The following HIP1R variants were observed in gnomAD, a reference collection of about 807,000 sequenced individuals.
HIP1R encodes the protein huntingtin interacting protein 1 related.
Under a neutral mutation model 144.2 loss-of-function variants are expected in HIP1R, and 135 were observed. That is an observed-to-expected ratio of 0.94 (90% confidence interval 0.81 to 1.08). The LOEUF is 1.08. Ranked by LOEUF, HIP1R falls within the 50% of genes least tolerant of loss-of-function variation. The probability of loss-of-function intolerance (pLI) is 0.00; values close to 1 mark genes in which losing one functional copy is unlikely to be tolerated. For missense variants in HIP1R, 1,462 were observed against 1,432.8 expected, an observed-to-expected ratio of 1.02 and a Z score of -0.33; for synonymous variants, 698 against 612.8, an observed-to-expected ratio of 1.14 and a Z score of -2.05.
rs371694011 is a variant in HIP1R at position 122,850,461 on chromosome 12, G to A, written c.439-374G>A. The A allele has an allele frequency of 4.2e-4, 87 of 205,478 alleles. 2 individuals carry two copies. Among genetic ancestry groups the A allele is most frequent in the South Asian group, 7.2e-4 (26 of 36,076 alleles). The allele number at this position is 205,478 out of a possible 1,614,324, so 12.7% of individuals were successfully genotyped here. ...CTGCTGGGTGGGGGGGCCCTGGTTC[G>A]GTGGCCGCTGGGTGGGGGGGGCCCT... On this transcript the variant is annotated intron_variant, in intron 5 of 31. Transcript: ENST00000253083.
At chr12:122,834,931 G>A, upstream of HIP1R, 2 of 1,289,050 alleles carry the variant, frequency 1.6e-6, no homozygotes, top group Non-Finnish European at 2.0e-6. Context: ...GTCTATCTGT[G>A]CTGCCACCGA....
At chr12:122,850,938 C>T in intron 6 of HIP1R, 27 bp downstream of exon 6, 1 of 1,591,540 alleles carries the variant, frequency 6.3e-7, no homozygotes, top group Non-Finnish European at 8.6e-7. Context: ...GGCTACATAG[C>T]CAGTTCCCCT....
Position 122,856,615 on chromosome 12 carries a change from C to A in HIP1R, c.1519-10C>A. The A allele has an allele frequency of 6.2e-7, 1 of 1,602,156 alleles. No individual in the cohort carries two copies. Among genetic ancestry groups the A allele is most frequent in the Non-Finnish European group, 8.5e-7 (1 of 1,174,262 alleles). ...GCCCACTGCCCCAGTGACACGCTGT[C>A]CTGTCCCAGCTAGAGGAGAAGAGCG... is the stretch of plus-strand genomic sequence containing the variant. On this transcript the variant is annotated splice_polypyrimidine_tract_variant and intron_variant, in intron 16 of 31. Transcript: ENST00000253083.
chr12:122,853,939 G>A (rs924767278), intron 7 of HIP1R, 104 bp from the exon 8 acceptor site: 1 of 1,332,642 alleles, frequency 7.5e-7, no homozygotes, highest in African/African-American at 1.5e-5. Flanking sequence ...GGGCACACTG[G>A]TGTGTGGGAG....
Position 122,835,598 on chromosome 12 carries a change from G to T in HIP1R, c.48G>T (p.Pro16=). The change falls in exon 1 of 32, where the codon CCG becomes CCT. Residue 16 remains proline, a synonymous_variant. Coordinates refer to ENST00000253083, the MANE Select transcript of HIP1R (RefSeq NM_003959.3). ...NVPARVLSRR[P]GHSLEAEREQ... is the part of the protein sequence containing the mutation. The stretch of plus-strand genomic sequence containing the variant: ...CGGCGCGGGTGCTGAGCCGCAGGCC[G>T]GGCCACAGCCTGGAGGCCGAGCGCG... The T allele has an allele frequency of 7.4e-7, 1 of 1,343,404 alleles. No homozygotes were observed. Among genetic ancestry groups the T allele is most frequent in the African/African-American group, 1.5e-5 (1 of 65,360 alleles). The allele number at this position is 1,343,404 out of a possible 1,614,324, so 83.2% of individuals were successfully genotyped here.
intron 1 of HIP1R, among the ~76,000 whole-genome samples, chr12:122,838,472 T>C (rs2032968895): frequency 6.6e-6 from 1 of 152,158 alleles, no homozygotes; most frequent in Admixed American, 6.5e-5. Flanking sequence ...TGTGGTATCA[T>C]AAAGGCACTA....
intron 26 of HIP1R, 67 bp downstream of exon 26, chr12:122,860,277 G>A (rs1206491415): frequency 3.8e-5 from 58 of 1,532,926 alleles, no homozygotes; most frequent in Non-Finnish European, 4.8e-5. Context: ...GCCACCCTGG[G>A]CATGAGACCC....
At chr12:122,859,002 G>A in intron 21 of HIP1R, 57 bp downstream of exon 21, 3 of 1,600,424 alleles carry the variant, frequency 1.9e-6, no homozygotes, top group Non-Finnish European at 2.6e-6. Context: ...TCTCCCCTGG[G>A]GGTCCTTATG....
chr12:122,848,165 C>A, intron 2 of HIP1R, 71 bp downstream of exon 2: 1 of 1,500,616 alleles, frequency 6.7e-7, no homozygotes, highest in Non-Finnish European at 9.2e-7. Flanking sequence ...TGCAGGTGGC[C>A]TGCGGTCAGC....
intron 4 of HIP1R, among the ~76,000 whole-genome samples, chr12:122,849,053 G>A (rs1243152219): frequency 1.3e-5 from 2 of 152,228 alleles, no homozygotes; most frequent in Non-Finnish European, 2.9e-5. Flanking sequence ...TAACCAGTGG[G>A]CCCTCCAGCG....
chr12:122,849,917 A>G lies in HIP1R; in HGVS notation c.400A>G (p.Thr134Ala), dbSNP rs2033324068. 1.9e-6 allele frequency: 3 copies of G among 1,613,654 alleles called. No homozygotes were observed. Among genetic ancestry groups the G allele is most frequent in the Non-Finnish European group, 2.5e-6 (3 of 1,179,958 alleles). ...DRYGQLVNVY[T>A]KLLLTKISFH... ...CTACGGACAGCTGGTGAATGTCTAC[A>G]CCAAGCTGCTGCTGACCAAGATCTC... The change falls in exon 5 of 32, where the codon ACC becomes GCC. Residue 134 changes from threonine (T) to alanine (A), a missense_variant. This residue lies in a region of HIP1R where 350 missense variants were observed against 421.1 expected (regional missense o/e 0.83). Coordinates refer to ENST00000253083, the MANE Select transcript of HIP1R (RefSeq NM_003959.3).
At chr12:122,859,679 G>A in intron 23 of HIP1R, 93 bp from the exon 24 acceptor site, 1 of 1,468,582 alleles carries the variant, frequency 6.8e-7, no homozygotes, top group Non-Finnish European at 9.4e-7. Context: ...GGGCCTGTGA[G>A]GTCAGAGCTG....
rs1330995842 is a variant in HIP1R at position 122,836,114 on chromosome 12, C to A, written c.93+471C>A. 6.6e-6 allele frequency among the ~76,000 whole-genome samples: 1 copy of A among 151,992 alleles called. No individual in the cohort carries two copies. The highest frequency in any genetic ancestry group is 2.4e-5 in the African/African-American group (1 of 41,396). On this transcript the variant is annotated intron_variant, in intron 1 of 31. Coordinates refer to ENST00000253083, the MANE Select transcript of HIP1R (RefSeq NM_003959.3). This position sits in a 1 kb window ranked among gnomAD's most constrained non-coding sequence, Gnocchi z 4.1. ...CCGTGCCGCTCCTTGCCGGCTCCTG[C>A]CCCCGTCTCCTACCCCCTGAAACCG...
Position 122,861,916 on chromosome 12 carries a change from T to A in HIP1R, c.*163T>A. The A allele has an allele frequency of 6.5e-6, 4 of 615,370 alleles. No homozygotes were observed. Among genetic ancestry groups the A allele is most frequent in the Non-Finnish European group, 1.1e-5 (4 of 358,684 alleles). 38.1% of individuals were successfully genotyped at this position (615,370 alleles called of 1,614,324 possible). The stretch of plus-strand genomic sequence containing the variant: ...CCTGGCCCTTACTGAGCCTGCAGGG[T>A]CCTGGGCCATGTGGGTGGTGCTTCT... On this transcript the variant is annotated 3_prime_UTR_variant, in exon 32 of 32. Transcript: ENST00000253083.
At chr12:122,850,014 G>A (rs370283420) in intron 5 of HIP1R, 59 bp downstream of exon 5, 171 of 1,136,868 alleles carry the variant, frequency 1.5e-4, no homozygotes, top group Non-Finnish European at 2.1e-4. Flanking sequence ...CCACTGTGAC[G>A]TTATGGCACA....
intron 1 of HIP1R, among the ~76,000 whole-genome samples, chr12:122,845,950 G>A (rs991069288): frequency 1.8e-4 from 27 of 152,286 alleles, no homozygotes; most frequent in Admixed American, 1.5e-3. Flanking sequence ...GCCCCATCCC[G>A]GGGTTTCCTC....
chr12:122,851,464 G>A (rs182140841), intron 7 of HIP1R, among the ~76,000 whole-genome samples, 167 bp downstream of exon 7: 23 of 152,204 alleles, frequency 1.5e-4, no homozygotes, highest in Admixed American at 8.5e-4. Flanking sequence ...TTGGGAGGCC[G>A]AGGCAGGCAG....
At position 122,856,562 on chromosome 12, in the gene HIP1R, G is replaced by A; in HGVS notation, c.1518+14G>A. 6.3e-7 allele frequency: 1 copy of A among 1,599,334 alleles called. No individual in the cohort carries two copies. The highest frequency in any genetic ancestry group is 1.3e-5 in the African/African-American group (1 of 74,912). On this transcript the variant is annotated intron_variant, in intron 16 of 31. Coordinates refer to ENST00000253083, the MANE Select transcript of HIP1R (RefSeq NM_003959.3). The stretch of plus-strand genomic sequence containing the variant: ...TCGGAGTTGAAGGTATGTCCCTTGT[G>A]GCACAGGGCCCTGCCCCGGCATCCC...
In HIP1R at chr12:122,854,045, T is replaced by C. The variant is rs2033479505; in HGVS notation, c.580T>C (p.Phe194Leu). The C allele has an allele frequency of 6.2e-7, 1 of 1,613,458 alleles. No homozygotes were observed. Among genetic ancestry groups the C allele is most frequent in the Non-Finnish European group, 8.5e-7 (1 of 1,179,778 alleles). The part of the protein sequence containing the change: ...DCELKLSESV[F>L]RQLNTAIAVS... Reference sequence around the variant, plus strand: ...TTCCTCCTGCCCCTTTTGCACAGTTTTCCGACAGCTCAACACGGCCATCGC... The same window carrying C: ...TTCCTCCTGCCCCTTTTGCACAGTTCTCCGACAGCTCAACACGGCCATCGC... Residue 194 changes from phenylalanine (F) to leucine (L), a missense_variant and splice_region_variant, in exon 8 of 32, where the codon TTC (phenylalanine) becomes CTC (leucine). This residue lies in a region of HIP1R where 350 missense variants were observed against 421.1 expected (regional missense o/e 0.83). Transcript: ENST00000253083.
Sources: gnomAD v4.1 joint callset for allele counts (sites outside exome capture counted in the v4.1 genomes callset) on GRCh38, gnomAD v4.1.1 for gene constraint, gnomAD v4.1.1 regional missense constraint, Gnocchi (gnomAD v3.1) non-coding constraint, MANE v1.5 for transcripts, NCBI Gene and HGNC (gene_info 2026-07-23, HGNC 2026-07-21) for gene names.